Variants in NUP85 observed in about 807,000 individuals in gnomAD.
NUP85 encodes nucleoporin 85.
A neutral mutation model predicts 92.8 loss-of-function variants in NUP85; 23 were observed. The ratio of observed to expected loss-of-function variants is 0.25; its 90% CI spans 0.18 to 0.35. The LOEUF (loss-of-function observed/expected upper bound fraction) is 0.35, where lower values mean the gene tolerates loss of function less well. Among genes scored for constraint, NUP85 ranks in the 10% least tolerant of loss-of-function variants. The pLI is 1.00. For synonymous variants in NUP85, 314 were observed against 306.9 expected (o/e 1.02, Z -0.24); for missense variants, 759 against 822.8 (o/e 0.92, Z 0.95).
intron 7 of NUP85, among the ~76,000 whole-genome samples, chr17:75,222,773 C>A (rs1012022285): frequency 6.6e-6 from 1 of 151,912 alleles, no homozygotes; most frequent in Admixed American, 6.6e-5. Flanking sequence ...CAGTGGCTCA[C>A]GCCTGTAATC....
chr17:75,214,207 C>T (rs1598278101), intron 5 of NUP85, among the ~76,000 whole-genome samples: 1 of 152,138 alleles, frequency 6.6e-6, no homozygotes, highest in African/African-American at 2.4e-5. Context: ...AGATGACTTA[C>T]AGTATCTTTT....
chr17:75,225,645 G>C, intron 9 of NUP85, 53 bp from the exon 10 acceptor site: 1 of 1,607,286 alleles, frequency 6.2e-7, no homozygotes, highest in Non-Finnish European at 8.5e-7. Flanking sequence ...GAGCATTATG[G>C]AGAAGGTACC....
chr17:75,223,326 A>T (rs930825085), intron 7 of NUP85, among the ~76,000 whole-genome samples: 6 of 152,206 alleles, frequency 3.9e-5, no homozygotes, highest in South Asian at 2.1e-4. Flanking sequence ...TTTAGTGAGT[A>T]GGCAGATTCA....
At position 75,225,728 on chromosome 17, in the gene NUP85, G is replaced by C. The variant is rs776229017; in HGVS notation, c.886G>C (p.Glu296Gln). ...IMLGDEAALL[E>Q]QKELLSNWYH... ...GCTGGGAGACGAAGCTGCCTTGTTA[G>C]AGCAGAAGGAACTTCTGAGTAATTG... The change falls in exon 10 of 19, where the codon GAG becomes CAG. Residue 296 changes from glutamate to glutamine, a missense_variant. Physicochemically the swap from Glu to Gln is conservative, Grantham distance 29. Transcript: ENST00000245544. 4.3e-6 allele frequency: 7 copies of C among 1,614,080 alleles called. No homozygotes were observed. In the Admixed American group the frequency reaches 5.0e-5, roughly 12 times the overall value.
chr17:75,227,708 G>A (rs1437637665), intron 11 of NUP85, among the ~76,000 whole-genome samples: 1 of 151,882 alleles, frequency 6.6e-6, no homozygotes, highest in Non-Finnish European at 1.5e-5. Context: ...AGTGATCTCA[G>A]CTCACTGCAG....
Position 75,208,579 on chromosome 17 carries a change from C to T in NUP85, c.86C>T (p.Pro29Leu). ...KKNQMYFDWG[P>L]GEMLVCETSF... The stretch of plus-strand genomic sequence containing the variant: ...AACCAAATGTATTTTGACTGGGGTC[C>T]AGGGGAGATGCTGGTATGTGAAACC... Residue 29 changes from proline (P) to leucine (L), a missense_variant, in exon 2 of 19, where the codon CCA (proline) becomes CTA (leucine). Pro to Leu is a moderately conservative substitution (Grantham distance 98, BLOSUM62 -3). Transcript: ENST00000245544. 2.5e-6 allele frequency: 4 copies of T among 1,610,060 alleles called. No individual in the cohort carries two copies. Among genetic ancestry groups the T allele is most frequent in the African/African-American group, 1.3e-5 (1 of 74,892 alleles).
intron 2 of NUP85, among the ~76,000 whole-genome samples, chr17:75,209,338 C>G (rs899688144): frequency 3.3e-5 from 5 of 152,106 alleles, no homozygotes; most frequent in Non-Finnish European, 5.9e-5. Context: ...TTCCTGAGTT[C>G]CATCAGCTAT....
chr17:75,224,341 A>G lies in NUP85; in HGVS notation c.598-762A>G, dbSNP rs544143279. On this transcript the variant is annotated intron_variant, in intron 7 of 18. Coordinates refer to ENST00000245544, the MANE Select transcript of NUP85 (RefSeq NM_024844.5). ...ATTACAGCTGTGAGCCACCACGCCC[A>G]GCCCTGTATTACCAGTTTTAATCTG... Among the ~76,000 whole-genome samples, 28 of 151,102 alleles carry G rather than the reference A, an allele frequency of 1.9e-4. No individual in the cohort carries two copies. In the South Asian group the frequency reaches 5.8e-3, roughly 31 times the overall value.
Position 75,211,952 on chromosome 17 carries a change from T to C in NUP85, c.291-40T>C, listed in dbSNP as rs193083605. 54 of 1,492,288 alleles carry C rather than the reference T, an allele frequency of 3.6e-5. No individual in the cohort carries two copies. In the East Asian group the frequency reaches 9.1e-4, roughly 25 times the overall value. The allele number at this position is 1,492,288 out of a possible 1,614,324, so 92.4% of individuals were successfully genotyped here. A position where few individuals can be genotyped will look rare whatever the true frequency, so the allele number is the denominator to read the frequency against. On this transcript the variant is annotated intron_variant, in intron 3 of 18. Transcript: ENST00000245544. ...TTCCTTCCTTTGTGGCACTACAAGA[T>C]GTTCCAGGCTCATCTTGTGTGTTAT...
chr17:75,234,837 G>C, intron 17 of NUP85, 49 bp downstream of exon 17: 1 of 1,604,294 alleles, frequency 6.2e-7, no homozygotes, highest in Non-Finnish European at 8.5e-7. Context: ...GTCCCTGCTA[G>C]AGCTTAGTTG....
chr17:75,217,103 C>T (rs1399993353), intron 6 of NUP85, among the ~76,000 whole-genome samples: 1 of 151,952 alleles, frequency 6.6e-6, no homozygotes, highest in Non-Finnish European at 1.5e-5. Context: ...TGCTCTGTCA[C>T]CCATGCTGGA....
At position 75,231,518 on chromosome 17, in the gene NUP85, G is replaced by T; in HGVS notation, c.1179-55G>T. The stretch of plus-strand genomic sequence containing the variant: ...GCCTGAAAGGGAGGTTGGGCTAAGG[G>T]GGCCCTGAACAGGGCAGGCCAGGAG... On this transcript the variant is annotated intron_variant, in intron 12 of 18. Transcript: ENST00000245544. The surrounding 1 kb of genome is among the most constrained non-coding windows in gnomAD (Gnocchi z 4.6). 2 of 1,606,820 alleles carry T rather than the reference G, an allele frequency of 1.2e-6. No individual in the cohort carries two copies. Among genetic ancestry groups the T allele is most frequent in the South Asian group, 2.2e-5 (2 of 90,930 alleles).
At chr17:75,223,668 G>A (rs973826037) in intron 7 of NUP85, among the ~76,000 whole-genome samples, 4 of 152,114 alleles carry the variant, frequency 2.6e-5, no homozygotes, top group Non-Finnish European at 4.4e-5. Flanking sequence ...AATTACAGAC[G>A]TGAGCCACCA....
chr17:75,212,087 C>CAT (rs2075278566), intron 4 of NUP85, 25 bp downstream of exon 4: 2 of 1,203,310 alleles, frequency 1.7e-6, no homozygotes, highest in African/African-American at 1.7e-5. Context: ...CGCGTGCGCG[C>CAT]GTGTGTGTGT....
rs190662250 is a variant in NUP85 at position 75,224,814 on chromosome 17, A to C, written c.598-289A>C. Among the ~76,000 whole-genome samples, 710 of 141,690 alleles carry C rather than the reference A, an allele frequency of 5.0e-3. 8 individuals are homozygous for C. Among genetic ancestry groups the C allele is most frequent in the African/African-American group, 0.017 (661 of 38,516 alleles). The allele number at this position is 141,690 out of a possible 152,430, so 93.0% of individuals were successfully genotyped here. On this transcript the variant is annotated intron_variant, in intron 7 of 18. Coordinates refer to ENST00000245544, the MANE Select transcript of NUP85 (RefSeq NM_024844.5). ...GCCATTGCACTCCAGCCTGGGCAAC[A>C]AGAGGGGAACTCTGGAAAAAAAAAA... is the stretch of plus-strand genomic sequence containing the variant.
chr17:75,221,061 G>A (rs1278788589), intron 7 of NUP85, among the ~76,000 whole-genome samples: 1 of 151,610 alleles, frequency 6.6e-6, no homozygotes, highest in South Asian at 2.1e-4. Flanking sequence ...TTTTAATTTT[G>A]TTTAGTAGAG....
rs2145300904 is a variant in NUP85 at position 75,215,835 on chromosome 17, A to C, written c.475+12A>C. On this transcript the variant is annotated intron_variant, in intron 6 of 18. Transcript: ENST00000245544. Reference sequence around the variant, plus strand: ...TGAAGTGGCCCCAGGTAGGCATGGAATATCTCACCATAATCTCATAGGTGT... The same window carrying C: ...TGAAGTGGCCCCAGGTAGGCATGGACTATCTCACCATAATCTCATAGGTGT... 2 of 1,608,226 alleles carry C rather than the reference A, an allele frequency of 1.2e-6. No individual in the cohort carries two copies. Among genetic ancestry groups the C allele is most frequent in the East Asian group, 2.2e-5 (1 of 44,842 alleles).
chr17:75,219,586 TTTA>T (rs1373241341), intron 7 of NUP85, among the ~76,000 whole-genome samples: 33 of 152,238 alleles, frequency 2.2e-4, no homozygotes, highest in African/African-American at 7.7e-4. Context: ...TCACTGAGTA[TTTA>T]TTGAGTCCCT....
intron 11 of NUP85, chr17:75,228,657 T>C: frequency 1.0e-6 from 1 of 985,458 alleles, no homozygotes; most frequent in Non-Finnish European, 1.2e-6. Flanking sequence ...TTTCTGGACT[T>C]GAGCCAGTGA....
Sources: allele counts gnomAD v4.1 joint callset (sites outside exome capture counted in the v4.1 genomes callset), GRCh38; gene constraint gnomAD v4.1.1; non-coding constraint Gnocchi (gnomAD v3.1); transcripts MANE v1.5; gene names NCBI Gene and HGNC (gene_info 2026-07-23, HGNC 2026-07-21).